Variants in SCIN observed in about 807,000 individuals in gnomAD.
The protein encoded by SCIN is scinderin, also known as adseverin.
SCIN carries 91 observed loss-of-function variants against 91.8 expected under a neutral mutation model. The ratio of observed to expected loss-of-function variants is 0.99; its 90% CI spans 0.84 to 1.18. The LOEUF is 1.18. Among genes scored for constraint, SCIN ranks in the 50% most tolerant of loss-of-function variants. SCIN has a pLI of 0.00. For synonymous variants in SCIN, 367 were observed against 312.6 expected, an observed-to-expected ratio of 1.17 and a Z score of -1.84; for missense variants, 1,087 against 863.9, an observed-to-expected ratio of 1.26 and a Z score of -3.24.
Position 12,654,881 on chromosome 7 carries a change from A to G in SCIN, c.*2166A>G, listed in dbSNP as rs1784141787. ...TGCAGGGTTTTAACCTGCCCAAAGG[A>G]TGGAAAAAGAAGAACATAAGCATAA... On this transcript the variant is annotated 3_prime_UTR_variant, in exon 16 of 16. Transcript: ENST00000297029. 6.6e-6 allele frequency: 1 copy of G among 152,216 alleles called. No individual in the cohort carries two copies. Among genetic ancestry groups the G allele is most frequent in the South Asian group, 2.1e-4 (1 of 4,836 alleles). 9.4% of individuals were successfully genotyped at this position (152,216 alleles called of 1,614,324 possible). A position where few individuals can be genotyped will look rare whatever the true frequency, so the allele number is the denominator to read the frequency against.
At chr7:12,642,262 C>T (rs1783872938) in intron 11 of SCIN, among the ~76,000 whole-genome samples, 1 of 152,112 alleles carries the variant, frequency 6.6e-6, no homozygotes, top group Non-Finnish European at 1.5e-5. Context: ...CCTAAGGAAT[C>T]TCCTGGATTT....
chr7:12,570,885 C>G lies in SCIN; in HGVS notation c.99C>G (p.Pro33=), dbSNP rs1337655035. 1 of 1,551,570 alleles carries G rather than the reference C, an allele frequency of 6.4e-7. No individual in the cohort carries two copies. Among genetic ancestry groups the G allele is most frequent in the Non-Finnish European group, 8.7e-7 (1 of 1,146,962 alleles). The change falls in exon 1 of 16, where the codon CCC becomes CCG. Residue 33 remains proline (P), a synonymous_variant. Transcript: ENST00000297029. ...RIEKLELVPV[P]QSAHGDFYVG... ...AGAAGCTGGAGCTGGTGCCCGTGCCCCAGAGCGCTCACGGCGACTTCTACG... is the reference window on the plus strand; with the variant it reads ...AGAAGCTGGAGCTGGTGCCCGTGCCGCAGAGCGCTCACGGCGACTTCTACG...
intron 13 of SCIN, among the ~76,000 whole-genome samples, chr7:12,648,009 G>T (rs948512951): frequency 3.3e-5 from 5 of 152,032 alleles, no homozygotes; most frequent in African/African-American, 1.2e-4. Context: ...ATAAAGAATG[G>T]GGAACCATAA....
At chr7:12,595,119 C>T (rs1248204130) in intron 3 of SCIN, among the ~76,000 whole-genome samples, 1 of 151,924 alleles carries the variant, frequency 6.6e-6, no homozygotes, top group Non-Finnish European at 1.5e-5. Flanking sequence ...TGAAGGTTAG[C>T]CAAGAGAAAG....
intron 3 of SCIN, among the ~76,000 whole-genome samples, chr7:12,591,872 G>A (rs1782730807): frequency 6.6e-6 from 1 of 152,146 alleles, no homozygotes; most frequent in South Asian, 2.1e-4. Context: ...GGAGAGTTGG[G>A]CCTTGGAGGG....
intron 13 of SCIN, among the ~76,000 whole-genome samples, chr7:12,647,190 G>T (rs10263557): frequency 0.025 from 3,762 of 152,224 alleles, 164 homozygotes; most frequent in African/African-American, 0.085. Context: ...AAAAAGATCT[G>T]TTAGTCTTTG....
chr7:12,636,252 T>A, intron 10 of SCIN, 117 bp downstream of exon 10: 1 of 664,766 alleles, frequency 1.5e-6, no homozygotes, highest in Non-Finnish European at 2.6e-6. Flanking sequence ...ATATGAACTG[T>A]GTTTTCATTT....
Position 12,658,827 on chromosome 7 carries a change from G to A in SCIN, c.*6112G>A, listed in dbSNP as rs1268074122. ...TTGGGCAACTCATGGAATATTACGA[G>A]TAGAAATTGTAATTACTGTAGAATG... On this transcript the variant is annotated 3_prime_UTR_variant, in exon 16 of 16. Transcript: ENST00000297029. 1.3e-5 allele frequency: 2 copies of A among 152,222 alleles called. No individual in the cohort carries two copies. Among genetic ancestry groups the A allele is most frequent in the Non-Finnish European group, 2.9e-5 (2 of 68,046 alleles). 9.4% of individuals were successfully genotyped at this position (152,222 alleles called of 1,614,324 possible).
At chr7:12,582,537 A>G (rs1782508513) in intron 3 of SCIN, among the ~76,000 whole-genome samples, 1 of 152,308 alleles carries the variant, frequency 6.6e-6, no homozygotes, top group East Asian at 1.9e-4. Context: ...TGAGATCACA[A>G]TAATATAAAT....
At position 12,644,209 on chromosome 7, in the gene SCIN, C is replaced by T. The variant is rs759554100; in HGVS notation, c.1653C>T (p.Tyr551=). 1 of 1,611,646 alleles carries T rather than the reference C, an allele frequency of 6.2e-7. No individual in the cohort carries two copies. The highest frequency in any genetic ancestry group is 2.2e-5 in the East Asian group (1 of 44,812). The part of the protein sequence containing the change: ...FVLKLPQNSG[Y]IWVGKGASQE... ...TGAAACTGCCACAAAATAGTGGCTA[C>T]ATCTGGGTAGGAAAAGGTGCTAGCC... Residue 551 remains tyrosine, a synonymous_variant, in exon 12 of 16, where the codon TAC becomes TAT. Coordinates refer to ENST00000297029, the MANE Select transcript of SCIN (RefSeq NM_001112706.3).
chr7:12,652,266 G>A (rs1253154652), intron 15 of SCIN, among the ~76,000 whole-genome samples: 2 of 152,028 alleles, frequency 1.3e-5, no homozygotes, highest in African/African-American at 4.8e-5. Context: ...TCCTTTTACT[G>A]AAACGTATAA....
At chr7:12,604,455 C>A in intron 3 of SCIN, 59 bp from the exon 4 acceptor site, 1 of 1,452,974 alleles carries the variant, frequency 6.9e-7, no homozygotes, top group South Asian at 1.2e-5. Flanking sequence ...AAGTATTACA[C>A]TGAGGCTGAA....
At position 12,586,724 on chromosome 7, in the gene SCIN, C is replaced by T. The variant is rs570482864; in HGVS notation, c.516+5503C>T. On this transcript the variant is annotated intron_variant, in intron 3 of 15. Coordinates refer to ENST00000297029, the MANE Select transcript of SCIN (RefSeq NM_001112706.3). ...GAATAAAGAAAATATGGTATACACA[C>T]AATGGAACAATAATCAGCCATAAAA... 7.2e-5 allele frequency among the ~76,000 whole-genome samples: 11 copies of T among 152,182 alleles called. No individual in the cohort carries two copies. The South Asian group carries it at 1.9e-3, about 26-fold the overall frequency.
intron 8 of SCIN, among the ~76,000 whole-genome samples, chr7:12,627,714 G>T (rs73678511): frequency 0.021 from 3,223 of 152,206 alleles, 102 homozygotes; most frequent in African/African-American, 0.073. Context: ...GTTGTCAGAG[G>T]GGTATTGACT....
At chr7:12,616,221 C>T (rs373276188) in intron 4 of SCIN, among the ~76,000 whole-genome samples, 15 of 152,142 alleles carry the variant, frequency 9.9e-5, no homozygotes, top group African/African-American at 2.6e-4. Context: ...GAAGCCCCAG[C>T]GGTGAGAGGA....
At chr7:12,626,289 A>G (rs982090688) in intron 7 of SCIN, 3 of 381,828 alleles carry the variant, frequency 7.9e-6, no homozygotes, top group Non-Finnish European at 1.4e-5. Context: ...TCCCTGCACA[A>G]GGAACACAAT....
chr7:12,625,202 T>G (rs1783489685), intron 6 of SCIN, 60 bp downstream of exon 6: 2 of 1,351,008 alleles, frequency 1.5e-6, no homozygotes, highest in South Asian at 3.2e-5. Flanking sequence ...TCTATAAGGG[T>G]AAATAAAATA....
chr7:12,655,955 A>G lies in SCIN; in HGVS notation c.*3240A>G, dbSNP rs534967522. On this transcript the variant is annotated 3_prime_UTR_variant, in exon 16 of 16. Transcript: ENST00000297029. ...CTTTTCTCTCTGATTCAAGAAATTC[A>G]TACTCAACTCAGTCAAACAGAGGTC... The G allele has an allele frequency of 3.3e-5, 5 of 152,284 alleles. No individual in the cohort carries two copies. Among genetic ancestry groups the G allele is most frequent in the Non-Finnish European group, 7.4e-5 (5 of 68,020 alleles). 9.4% of individuals were successfully genotyped at this position (152,284 alleles called of 1,614,324 possible).
chr7:12,571,942 T>G (rs1320070389), intron 1 of SCIN, among the ~76,000 whole-genome samples: 1 of 152,296 alleles, frequency 6.6e-6, no homozygotes, highest in East Asian at 1.9e-4. Context: ...TCTCTGAGCC[T>G]TTTTGCCTTC....
Sources: allele counts gnomAD v4.1 joint callset (sites outside exome capture counted in the v4.1 genomes callset), GRCh38; gene constraint gnomAD v4.1.1; transcripts MANE v1.5; gene names NCBI Gene and HGNC (gene_info 2026-07-23, HGNC 2026-07-21).